The following ANKS6 variants were observed in gnomAD, a reference collection of about 807,000 sequenced individuals.
The protein encoded by ANKS6 is ankyrin repeat and sterile alpha motif domain containing 6.
Under a neutral mutation model 77.9 loss-of-function variants are expected in ANKS6, and 47 were observed. The ratio of observed to expected loss-of-function variants is 0.60; its 90% CI spans 0.48 to 0.77. ANKS6 has a LOEUF of 0.77. ANKS6 is among the 30% of genes least tolerant of loss of function. The pLI is 0.00. For missense variants in ANKS6, 1,150 were observed against 1,159.1 expected, an observed-to-expected ratio of 0.99 and a Z score of 0.11; for synonymous variants, 488 against 501.7, an observed-to-expected ratio of 0.97 and a Z score of 0.37.
intron 2 of ANKS6, among the ~76,000 whole-genome samples, chr9:98,789,071 G>T: frequency 6.9e-6 from 1 of 144,606 alleles, no homozygotes; most frequent in Non-Finnish European, 1.5e-5. Context: ...TTTCTAATAA[G>T]CATTTACCAA....
chr9:98,782,837 CT>C (rs1834349765), intron 4 of ANKS6, among the ~76,000 whole-genome samples: 3 of 152,176 alleles, frequency 2.0e-5, no homozygotes, highest in Admixed American at 2.0e-4. Flanking sequence ...AATCCCATCA[CT>C]TTGGGAAGCC....
rs373949975 is a variant in ANKS6, at chr9:98,743,288, C to T, written c.2511+2271G>A. Among the ~76,000 whole-genome samples, 6 of 149,090 alleles carry T rather than the reference C, an allele frequency of 4.0e-5. No individual in the cohort carries two copies. In the South Asian group the frequency reaches 1.3e-3, roughly 32 times the overall value. On this transcript the variant is annotated intron_variant, in intron 14 of 14. Coordinates refer to ENST00000353234, the MANE Select transcript of ANKS6 (RefSeq NM_173551.5). ...AGCCCTCCCCCGCCCCACCATCACT[C>T]ACCCACCTCCCCTCCCCAAAGCCCT...
intron 1 of ANKS6, among the ~76,000 whole-genome samples, chr9:98,794,874 T>C (rs1588428066): frequency 6.6e-6 from 1 of 152,244 alleles, no homozygotes; most frequent in South Asian, 2.1e-4. Flanking sequence ...GCCCTGGGCC[T>C]TCTAAATCAC....
chr9:98,751,219 G>A (rs1026627622), intron 12 of ANKS6, 123 bp from the exon 13 acceptor site: 18 of 806,896 alleles, frequency 2.2e-5, no homozygotes, highest in Non-Finnish European at 3.5e-5. Flanking sequence ...CACCAACACA[G>A]AAAGCTGATC....
At chr9:98,740,188 C>T (rs1199540680) in intron 14 of ANKS6, among the ~76,000 whole-genome samples, 4 of 152,156 alleles carry the variant, frequency 2.6e-5, no homozygotes, top group African/African-American at 7.2e-5. Flanking sequence ...CCCCATAGCC[C>T]AGAGGGGCCC....
Position 98,796,142 on chromosome 9 carries a change from T to C in ANKS6, c.350A>G (p.Gln117Arg). 1.4e-6 allele frequency: 2 copies of C among 1,384,640 alleles called. No individual in the cohort carries two copies. Among genetic ancestry groups the C allele is most frequent in the Non-Finnish European group, 9.4e-7 (1 of 1,068,494 alleles). The allele number at this position is 1,384,640 out of a possible 1,614,324, so 85.8% of individuals were successfully genotyped here. A position where few individuals can be genotyped will look rare whatever the true frequency, so the allele number is the denominator to read the frequency against. The change falls in exon 1 of 15, where the codon CAG (glutamine) becomes CGG (arginine). Residue 117 changes from glutamine (Q) to arginine (R), a missense_variant. Gln to Arg is a conservative substitution (Grantham distance 43, BLOSUM62 1). Coordinates refer to ENST00000353234, the MANE Select transcript of ANKS6 (RefSeq NM_173551.5). The stretch of plus-strand genomic sequence containing the variant: ...GGCCCCGCCGCCTCACCTGGCCGCC[T>C]GCATGAGCGCGCTCCAGCCGTAGTG... ...RNHYGWSALM[Q>R]AARFGHVSVA... is the part of the protein sequence containing the mutation.
At chr9:98,779,895 C>T (rs1296942472) in intron 6 of ANKS6, among the ~76,000 whole-genome samples, 1 of 152,146 alleles carries the variant, frequency 6.6e-6, no homozygotes, top group African/African-American at 2.4e-5. Context: ...ATCTCCTGAC[C>T]TCGTGATCCG....
At chr9:98,765,119 C>G (rs1202817611) in intron 11 of ANKS6, among the ~76,000 whole-genome samples, 1 of 152,132 alleles carries the variant, frequency 6.6e-6, no homozygotes, top group Non-Finnish European at 1.5e-5. Flanking sequence ...AATAAATTCT[C>G]TCTTTTCTCT....
rs975837998 is a variant in ANKS6 at position 98,791,287 on chromosome 9, G to T, written c.360-681C>A. Reference sequence around the variant, plus strand: ...CACACACCCCATGCCAAGAGGTGTGGCAAGGTTGTGGTCAGCAGATAGGCT... The same window carrying T: ...CACACACCCCATGCCAAGAGGTGTGTCAAGGTTGTGGTCAGCAGATAGGCT... On this transcript the variant is annotated intron_variant, in intron 1 of 14. Transcript: ENST00000353234. This position sits in a 1 kb window ranked among gnomAD's most constrained non-coding sequence, Gnocchi z 4.3. Among the ~76,000 whole-genome samples, 6 of 152,198 alleles carry T rather than the reference G, an allele frequency of 3.9e-5. No homozygotes were observed. The highest frequency in any genetic ancestry group is 1.3e-4 in the Admixed American group (2 of 15,282).
intron 4 of ANKS6, 97 bp from the exon 5 acceptor site, chr9:98,782,670 A>C (rs1310543161): frequency 2.1e-6 from 2 of 963,720 alleles, no homozygotes; most frequent in Non-Finnish European, 1.6e-6. Flanking sequence ...TCAGTCTCTG[A>C]GCATTTAAGA....
intron 11 of ANKS6, among the ~76,000 whole-genome samples, chr9:98,757,887 C>T (rs1262847376): frequency 3.9e-5 from 6 of 152,062 alleles, no homozygotes; most frequent in Non-Finnish European, 8.8e-5. Context: ...GAGATCGCAC[C>T]ACTGCACTCC....
intron 8 of ANKS6, 45 bp from the exon 9 acceptor site, chr9:98,774,125 C>T (rs1200617108): frequency 7.2e-7 from 1 of 1,387,546 alleles, no homozygotes; most frequent in South Asian, 1.8e-5. Context: ...CAGGAGGGCT[C>T]CCAACTCTGC....
intron 12 of ANKS6, among the ~76,000 whole-genome samples, chr9:98,754,591 G>A (rs1202726623): frequency 6.6e-6 from 1 of 151,722 alleles, no homozygotes; most frequent in Admixed American, 6.6e-5. Context: ...GCAGTGAGCC[G>A]AGATCGCGCC....
At chr9:98,745,188 A>C (rs543409758) in intron 14 of ANKS6, among the ~76,000 whole-genome samples, 3 of 152,166 alleles carry the variant, frequency 2.0e-5, no homozygotes, top group Admixed American at 2.0e-4. Context: ...CCCACCCTAC[A>C]GACAGGGACA....
intron 12 of ANKS6, among the ~76,000 whole-genome samples, chr9:98,755,653 G>T (rs1832661773): frequency 6.6e-6 from 1 of 152,130 alleles, no homozygotes. Flanking sequence ...TTCCTTTGAG[G>T]AACTATTTCT....
At position 98,733,535 on chromosome 9, in the gene ANKS6, A is replaced by T. The variant is rs1035891129; in HGVS notation, c.*2984T>A. 1 of 985,400 alleles carries T rather than the reference A, an allele frequency of 1.0e-6. No individual in the cohort carries two copies. The highest frequency in any genetic ancestry group is 1.7e-5 in the African/African-American group (1 of 57,254). The allele number at this position is 985,400 out of a possible 1,614,324, so 61.0% of individuals were successfully genotyped here. ...TGCTGGGGAGAAAAAGGTGACCACC[A>T]AGGGCCCTGACCCACTTCCAGGGCT... is the stretch of plus-strand genomic sequence containing the variant. On this transcript the variant is annotated 3_prime_UTR_variant, in exon 15 of 15. Transcript: ENST00000353234.
At chr9:98,771,095 C>T (rs1833600667) in intron 9 of ANKS6, 49 bp from the exon 10 acceptor site, 1 of 1,445,970 alleles carries the variant, frequency 6.9e-7, no homozygotes, top group Non-Finnish European at 9.2e-7. Flanking sequence ...CTCCTCCCTC[C>T]AGCCGTGCAG....
Position 98,756,566 on chromosome 9 carries a change from G to T in ANKS6, c.2180C>A (p.Ser727Tyr), listed in dbSNP as rs1490746090. Residue 727 changes from serine (S) to tyrosine (Y), a missense_variant, in exon 12 of 15, where the codon TCC becomes TAC. By Grantham distance (144) the Ser-to-Tyr change is moderately radical. Transcript: ENST00000353234. ...TGGAGAGGTGCTCTTGGAGGTAGTG[G>T]AAGTTCCAGATGGAGGCCTTTTGCT... Reference protein sequence around the residue: ...ETSKRPPSGTSTTSKSTSPTL... With the variant: ...ETSKRPPSGTYTTSKSTSPTL... 6.4e-7 allele frequency: 1 copy of T among 1,564,000 alleles called. No individual in the cohort carries two copies. The highest frequency in any genetic ancestry group is 8.6e-7 in the Non-Finnish European group (1 of 1,158,210).
At chr9:98,755,437 T>G (rs1004141749) in intron 12 of ANKS6, among the ~76,000 whole-genome samples, 5 of 152,174 alleles carry the variant, frequency 3.3e-5, no homozygotes, top group African/African-American at 1.2e-4. Context: ...TTTCTTCATC[T>G]GCCTTTATCT....
Sources: allele counts gnomAD v4.1 joint callset (sites outside exome capture counted in the v4.1 genomes callset), GRCh38; gene constraint gnomAD v4.1.1; non-coding constraint Gnocchi (gnomAD v3.1); transcripts MANE v1.5; gene names NCBI Gene and HGNC (gene_info 2026-07-23, HGNC 2026-07-21).